The following IMMP2L variants were observed in gnomAD, a reference collection of about 807,000 sequenced individuals.
IMMP2L encodes the protein inner mitochondrial membrane peptidase subunit 2.
IMMP2L carries 18 observed loss-of-function variants against 19.3 expected under a neutral mutation model. The observed-to-expected ratio is 0.93, with a 90% confidence interval of 0.64 to 1.38. The LOEUF is 1.38. Ranked by LOEUF, IMMP2L falls within the 40% of genes most tolerant of loss-of-function variation. IMMP2L has a pLI of 0.00. For synonymous variants in IMMP2L, 76 were observed against 73.0 expected, an observed-to-expected ratio of 1.04 and a Z score of -0.21; for missense variants, 233 against 218.2, an observed-to-expected ratio of 1.07 and a Z score of -0.43.
chr7:110,707,169 CCA>C (rs1299577018), intron 5 of IMMP2L, among the ~76,000 whole-genome samples: 1 of 68,630 alleles, frequency 1.5e-5, no homozygotes, highest in Non-Finnish European at 2.8e-5. Flanking sequence ...CCCGACCCCA[CCA>C]CAGTCCCCAG....
intron 3 of IMMP2L, among the ~76,000 whole-genome samples, chr7:111,235,915 T>C (rs1427548531): frequency 6.6e-6 from 1 of 152,108 alleles, no homozygotes; most frequent in Non-Finnish European, 1.5e-5. Context: ...TTTCTATTGT[T>C]ATGATGTCAC....
At chr7:110,821,923 A>T (rs1405668816) in intron 5 of IMMP2L, among the ~76,000 whole-genome samples, 13 of 151,786 alleles carry the variant, frequency 8.6e-5, no homozygotes, top group African/African-American at 3.1e-4. Flanking sequence ...CTCTTGTCTC[A>T]AAAAAAAGGT....
At chr7:110,759,840 A>G (rs1423810451) in intron 5 of IMMP2L, among the ~76,000 whole-genome samples, 2 of 152,118 alleles carry the variant, frequency 1.3e-5, no homozygotes, top group East Asian at 3.9e-4. Flanking sequence ...ATGTTGTGTG[A>G]ATTTTCAGAA....
chr7:111,264,837 T>C (rs1318589498), intron 3 of IMMP2L, among the ~76,000 whole-genome samples: 1 of 151,898 alleles, frequency 6.6e-6, no homozygotes. Flanking sequence ...AGAAGTGAAG[T>C]TTTGGTACCC....
At chr7:111,145,256 G>A (rs1307867571) in intron 3 of IMMP2L, among the ~76,000 whole-genome samples, 2 of 152,092 alleles carry the variant, frequency 1.3e-5, no homozygotes, top group Non-Finnish European at 2.9e-5. Context: ...ATGCACATAA[G>A]TCAAAAGGGA....
intron 1 of IMMP2L, among the ~76,000 whole-genome samples, chr7:111,537,527 CTTTTTT>C (rs5886594): frequency 2.5e-5 from 2 of 78,554 alleles, no homozygotes; most frequent in African/African-American, 5.7e-5. Flanking sequence ...ATCACTTCCA[CTTTTTT>C]TTTTTTTTTT....
At chr7:111,135,812 TATA>T (rs1260053444) in intron 3 of IMMP2L, among the ~76,000 whole-genome samples, 2 of 152,164 alleles carry the variant, frequency 1.3e-5, no homozygotes, top group African/African-American at 4.8e-5. Context: ...TGACAAACTT[TATA>T]ATATTATCTC....
chr7:110,672,084 A>G (rs781670313), intron 5 of IMMP2L, among the ~76,000 whole-genome samples: 2 of 152,162 alleles, frequency 1.3e-5, no homozygotes, highest in Non-Finnish European at 2.9e-5. Context: ...GCTGCTAATA[A>G]CTAATAAAGA....
intron 3 of IMMP2L, among the ~76,000 whole-genome samples, chr7:111,045,376 C>A (rs2129571708): frequency 6.6e-6 from 1 of 152,340 alleles, no homozygotes; most frequent in East Asian, 1.9e-4. Flanking sequence ...CATCTGGATT[C>A]TTCCAAAAGC....
chr7:111,095,724 A>T (rs1013236195), intron 3 of IMMP2L, among the ~76,000 whole-genome samples: 5 of 152,138 alleles, frequency 3.3e-5, no homozygotes, highest in Admixed American at 2.0e-4. Context: ...AAGAATTCTG[A>T]AGAGGCTTTC....
intron 3 of IMMP2L, chr7:111,122,621 C>A: frequency 1.6e-6 from 1 of 625,858 alleles, no homozygotes; most frequent in South Asian, 2.1e-5. Context: ...GGCACTGGCA[C>A]TTATTTCAGT....
chr7:111,163,586 A>G (rs1805498368), intron 3 of IMMP2L, among the ~76,000 whole-genome samples: 1 of 151,994 alleles, frequency 6.6e-6, no homozygotes, highest in Non-Finnish European at 1.5e-5. Flanking sequence ...ATTAAACCCT[A>G]AGTGGCTTGT....
At chr7:110,876,733 G>A (rs980276476) in intron 5 of IMMP2L, among the ~76,000 whole-genome samples, 2 of 152,054 alleles carry the variant, frequency 1.3e-5, no homozygotes, top group African/African-American at 4.8e-5. Context: ...TGAACCAATA[G>A]TATTATCAAA....
At chr7:111,249,358 AATG>A (rs1414025841) in intron 3 of IMMP2L, among the ~76,000 whole-genome samples, 1 of 142,822 alleles carries the variant, frequency 7.0e-6, no homozygotes, top group African/African-American at 2.7e-5. Flanking sequence ...CAGGTGAGGC[AATG>A]CCTCGCCCTG....
At chr7:110,922,753 C>T (rs555649576) in intron 4 of IMMP2L, among the ~76,000 whole-genome samples, 4 of 152,036 alleles carry the variant, frequency 2.6e-5, no homozygotes, top group Admixed American at 6.6e-5. Context: ...CTGCAGCCAC[C>T]GATTGTAAGA....
At chr7:111,086,234 G>C in intron 3 of IMMP2L, among the ~76,000 whole-genome samples, 2 of 147,200 alleles carry the variant, frequency 1.4e-5, no homozygotes, top group East Asian at 4.0e-4. Flanking sequence ...GCAGCATAGA[G>C]AGACCCCATC....
At chr7:111,271,204 C>T (rs577507562) in intron 3 of IMMP2L, among the ~76,000 whole-genome samples, 15 of 152,168 alleles carry the variant, frequency 9.9e-5, no homozygotes, top group African/African-American at 3.1e-4. Flanking sequence ...TGAGGAAGGA[C>T]GTGTTTGCTT....
chr7:111,375,735 G>T (rs949959226), intron 3 of IMMP2L, among the ~76,000 whole-genome samples: 1 of 151,956 alleles, frequency 6.6e-6, no homozygotes, highest in Non-Finnish European at 1.5e-5. Flanking sequence ...TGTTGGCCAG[G>T]CTCATCTTGA....
intron 4 of IMMP2L, among the ~76,000 whole-genome samples, chr7:110,933,672 C>T (rs763337568): frequency 2.8e-4 from 43 of 152,160 alleles, no homozygotes; most frequent in Non-Finnish European, 5.7e-4. Context: ...TTCCAATTTC[C>T]TCTCAAATCT....
Sources: allele counts gnomAD v4.1 joint callset (sites outside exome capture counted in the v4.1 genomes callset), GRCh38; gene constraint gnomAD v4.1.1; transcripts MANE v1.5; gene names NCBI Gene and HGNC (gene_info 2026-07-23, HGNC 2026-07-21).